PTPRD: variants seen among roughly 807,000 people sequenced by gnomAD.
PTPRD encodes protein tyrosine phosphatase receptor type D.
PTPRD carries 34 observed loss-of-function variants against 214.5 expected under a neutral mutation model. The observed-to-expected ratio is 0.16, with a 90% CI of 0.12 to 0.21. The LOEUF (loss-of-function observed/expected upper bound fraction) is 0.21, where lower values mean the gene tolerates loss of function less well. Among genes scored for constraint, PTPRD ranks in the 10% least tolerant of loss-of-function variants. PTPRD has a pLI of 1.00. For synonymous variants in PTPRD, 1,128 were observed against 845.7 expected (o/e 1.33, Z -5.79); for missense variants, 2,545 against 2,398.7 (o/e 1.06, Z -1.27).
At chr9:10,497,779 C>T (rs2042513635) in intron 2 of PTPRD, among the ~76,000 whole-genome samples, 1 of 151,824 alleles carries the variant, frequency 6.6e-6, no homozygotes, top group Non-Finnish European at 1.5e-5. Flanking sequence ...GAAAGATTTG[C>T]TATTATGTTT....
intron 9 of PTPRD, among the ~76,000 whole-genome samples, chr9:9,316,373 C>T (rs1963113689): frequency 6.6e-6 from 1 of 151,986 alleles, no homozygotes; most frequent in Admixed American, 6.6e-5. Context: ...TACTTTAAAA[C>T]TCTGCTATTA....
At chr9:9,303,047 CCTTTT>C (rs1459047096) in intron 9 of PTPRD, among the ~76,000 whole-genome samples, 1 of 151,816 alleles carries the variant, frequency 6.6e-6, no homozygotes, top group Non-Finnish European at 1.5e-5. Flanking sequence ...TAAGAGAAGA[CCTTTT>C]CTTTTCTATT....
At chr9:9,487,284 C>A (rs2095687213) in intron 8 of PTPRD, among the ~76,000 whole-genome samples, 2 of 148,294 alleles carry the variant, frequency 1.3e-5, no homozygotes, top group Admixed American at 1.4e-4. Context: ...TTGTTCAATT[C>A]CCACCTATGA....
At chr9:8,624,249 G>A (rs947008023) in intron 14 of PTPRD, among the ~76,000 whole-genome samples, 2 of 151,882 alleles carry the variant, frequency 1.3e-5, no homozygotes, top group South Asian at 2.1e-4. Flanking sequence ...TTGGGATTGT[G>A]TACTAGCATA....
chr9:9,339,457 G>C (rs1477878668), intron 9 of PTPRD, among the ~76,000 whole-genome samples: 1 of 152,118 alleles, frequency 6.6e-6, no homozygotes, highest in Non-Finnish European at 1.5e-5. Context: ...CTGCACTCCA[G>C]ACTTTCTTCT....
intron 11 of PTPRD, among the ~76,000 whole-genome samples, chr9:8,751,273 C>CTCA (rs2093496752): frequency 6.6e-6 from 1 of 152,010 alleles, no homozygotes; most frequent in Non-Finnish European, 1.5e-5. Flanking sequence ...GACATTAGTT[C>CTCA]TCATTTGCGT....
intron 5 of PTPRD, among the ~76,000 whole-genome samples, chr9:9,899,404 A>T (rs563678628): frequency 1.3e-5 from 2 of 152,278 alleles, no homozygotes; most frequent in South Asian, 4.1e-4. Flanking sequence ...ATGTGAATCG[A>T]TATTTCTGTA....
At chr9:9,418,698 C>A (rs1318416165) in intron 8 of PTPRD, among the ~76,000 whole-genome samples, 1 of 151,932 alleles carries the variant, frequency 6.6e-6, no homozygotes, top group Non-Finnish European at 1.5e-5. Context: ...CTGAGCAACT[C>A]ATTCATTTAT....
intron 33 of PTPRD, 126 bp downstream of exon 33, chr9:8,460,285 A>C: frequency 8.6e-7 from 1 of 1,161,114 alleles, no homozygotes; most frequent in Non-Finnish European, 1.3e-6. Context: ...ACTTTTCCAA[A>C]AATAATTGAA....
At chr9:9,278,397 A>C (rs189661886) in intron 9 of PTPRD, among the ~76,000 whole-genome samples, 1 of 151,398 alleles carries the variant, frequency 6.6e-6, no homozygotes, top group Non-Finnish European at 1.5e-5. Flanking sequence ...TAAAATTTTA[A>C]GATTTTTATA....
At chr9:9,439,765 C>G (rs574776423) in intron 8 of PTPRD, among the ~76,000 whole-genome samples, 1 of 152,300 alleles carries the variant, frequency 6.6e-6, no homozygotes, top group African/African-American at 2.4e-5. Context: ...TAATGGTAAT[C>G]ATAGATACTG....
chr9:9,578,912 T>A (rs559829438), intron 7 of PTPRD, among the ~76,000 whole-genome samples: 41 of 152,278 alleles, frequency 2.7e-4, no homozygotes, highest in African/African-American at 9.4e-4. Flanking sequence ...ATATAATGTA[T>A]GTAAGATCCT....
At chr9:9,035,281 T>C (rs914747719) in intron 10 of PTPRD, among the ~76,000 whole-genome samples, 2 of 152,168 alleles carry the variant, frequency 1.3e-5, no homozygotes, top group African/African-American at 4.8e-5. Context: ...TCCTCCCTTT[T>C]TGTCAGAACG....
chr9:9,580,744 T>G (rs981478242), intron 7 of PTPRD, among the ~76,000 whole-genome samples: 3 of 151,970 alleles, frequency 2.0e-5, no homozygotes, highest in African/African-American at 7.2e-5. Flanking sequence ...AGATGGGCTT[T>G]CAGCACGTTG....
intron 6 of PTPRD, among the ~76,000 whole-genome samples, chr9:9,746,567 G>C (rs1380238162): frequency 2.6e-5 from 4 of 152,198 alleles, no homozygotes; most frequent in Non-Finnish European, 5.9e-5. Context: ...AATATTGTGA[G>C]TCGATATTCA....
chr9:10,122,093 A>G (rs2098780426), intron 3 of PTPRD, among the ~76,000 whole-genome samples: 3 of 152,200 alleles, frequency 2.0e-5, no homozygotes, highest in African/African-American at 2.4e-5. Flanking sequence ...GGATCACCTG[A>G]GGTCAGGAGT....
At chr9:8,867,512 A>G (rs1452332753) in intron 11 of PTPRD, among the ~76,000 whole-genome samples, 1 of 152,188 alleles carries the variant, frequency 6.6e-6, no homozygotes, top group East Asian at 1.9e-4. Flanking sequence ...AAGCGGAGGT[A>G]AGAAGGAACA....
intron 3 of PTPRD, among the ~76,000 whole-genome samples, chr9:10,120,475 T>A (rs1422899476): frequency 1.3e-5 from 2 of 152,022 alleles, no homozygotes; most frequent in Non-Finnish European, 2.9e-5. Flanking sequence ...CTACGTCCTC[T>A]GAAAACAGTC....
At chr9:9,561,610 T>A (rs2082972765) in intron 8 of PTPRD, among the ~76,000 whole-genome samples, 1 of 152,128 alleles carries the variant, frequency 6.6e-6, no homozygotes, top group African/African-American at 2.4e-5. Context: ...GAACTACAGT[T>A]AGAAATGTGC....
Sources: allele counts gnomAD v4.1 joint callset (sites outside exome capture counted in the v4.1 genomes callset), GRCh38; gene constraint gnomAD v4.1.1; transcripts MANE v1.5; gene names NCBI Gene and HGNC (gene_info 2026-07-23, HGNC 2026-07-21).